XKR9: variants seen among roughly 807,000 people sequenced by gnomAD.
The protein encoded by XKR9 is XK related 9.
A neutral mutation model predicts 32.0 loss-of-function variants in XKR9; 32 were observed. The observed-to-expected ratio is 1.00, with a 90% CI of 0.76 to 1.34. XKR9 has a LOEUF of 1.34. Ranked by LOEUF, XKR9 falls within the 40% of genes most tolerant of loss-of-function variation. The pLI is 0.00. For missense variants in XKR9, 546 were observed against 429.7 expected, an observed-to-expected ratio of 1.27 and a Z score of -2.39; for synonymous variants, 168 against 143.4, an observed-to-expected ratio of 1.17 and a Z score of -1.22.
chr8:70,926,294 C>T, the XKR9 span, among the ~76,000 whole-genome samples: 1 of 152,182 alleles, frequency 6.6e-6, no homozygotes, highest in Non-Finnish European at 1.5e-5. Flanking sequence ...TGGTCTTGAA[C>T]TTCTGACCTC....
chr8:70,825,542 G>C, the XKR9 span, among the ~76,000 whole-genome samples: 1 of 152,024 alleles, frequency 6.6e-6, no homozygotes, highest in South Asian at 2.1e-4. Flanking sequence ...AATTATCTTT[G>C]TGTTCTAGTT....
the XKR9 span, among the ~76,000 whole-genome samples, chr8:70,904,302 G>A: frequency 1.3e-5 from 2 of 152,150 alleles, no homozygotes; most frequent in Non-Finnish European, 2.9e-5. Context: ...GGTTGCTCCT[G>A]TATTGGGTGC....
At chr8:70,785,218 T>G (rs530046709) in intron 2 of XKR9, among the ~76,000 whole-genome samples, 1 of 152,136 alleles carries the variant, frequency 6.6e-6, no homozygotes, top group African/African-American at 2.4e-5. Flanking sequence ...TTTCTATTTC[T>G]TCATTATTCA....
At chr8:70,770,449 A>T (rs1252410894) in intron 2 of XKR9, among the ~76,000 whole-genome samples, 1 of 152,106 alleles carries the variant, frequency 6.6e-6, no homozygotes, top group Non-Finnish European at 1.5e-5. Flanking sequence ...CTGTGCTGGG[A>T]GATATGCTGC....
the XKR9 span, among the ~76,000 whole-genome samples, chr8:70,886,290 T>C: frequency 2.6e-5 from 4 of 152,234 alleles, no homozygotes; most frequent in African/African-American, 7.2e-5. Flanking sequence ...CAGTCTGTCA[T>C]TGATGGGCAT....
the XKR9 span, among the ~76,000 whole-genome samples, chr8:70,943,832 A>G: frequency 6.6e-6 from 1 of 152,156 alleles, no homozygotes; most frequent in South Asian, 2.1e-4. Context: ...AAAACTGGGT[A>G]GTTTTGTTAC....
chr8:70,854,022 TA>T, the XKR9 span, among the ~76,000 whole-genome samples: 1 of 152,126 alleles, frequency 6.6e-6, no homozygotes, highest in Non-Finnish European at 1.5e-5. Context: ...GCATGATTTA[TA>T]ATCTTTTGGG....
chr8:70,823,572 C>G, the XKR9 span, among the ~76,000 whole-genome samples: 1 of 152,164 alleles, frequency 6.6e-6, no homozygotes, highest in Non-Finnish European at 1.5e-5. Context: ...GAATGACATA[C>G]AATTTATCTT....
At chr8:71,041,137 T>G in the XKR9 span, among the ~76,000 whole-genome samples, 1 of 152,164 alleles carries the variant, frequency 6.6e-6, no homozygotes, top group Admixed American at 6.5e-5. Context: ...GAAAAAGGTT[T>G]GAAGTTGCTG....
chr8:70,811,381 C>T, the XKR9 span, among the ~76,000 whole-genome samples: 1 of 152,102 alleles, frequency 6.6e-6, no homozygotes, highest in African/African-American at 2.4e-5. Context: ...ATTAAAAGAA[C>T]TAGAGAAGCA....
At chr8:70,742,664 G>T (rs1002357237) in intron 2 of XKR9, among the ~76,000 whole-genome samples, 1 of 151,730 alleles carries the variant, frequency 6.6e-6, no homozygotes, top group Non-Finnish European at 1.5e-5. Context: ...ATTTTTGTTG[G>T]ATATAGAGTT....
the XKR9 span, among the ~76,000 whole-genome samples, chr8:70,830,524 CTGCAA>C: frequency 6.6e-6 from 1 of 152,066 alleles, no homozygotes; most frequent in African/African-American, 2.4e-5. Flanking sequence ...GAGGTCAAGG[CTGCAA>C]TGTGTGGTGA....
intron 4 of XKR9, among the ~76,000 whole-genome samples, chr8:70,725,571 A>G (rs1806436674): frequency 6.6e-6 from 1 of 152,134 alleles, no homozygotes; most frequent in South Asian, 2.1e-4. Flanking sequence ...TACTCTGTAG[A>G]ACTTTTTGAC....
At chr8:70,915,111 C>T in the XKR9 span, among the ~76,000 whole-genome samples, 3 of 151,806 alleles carry the variant, frequency 2.0e-5, no homozygotes, top group Non-Finnish European at 4.4e-5. Context: ...GGTGGGCTTG[C>T]AGAACTAGTT....
At chr8:71,023,868 A>T in the XKR9 span, among the ~76,000 whole-genome samples, 2 of 152,144 alleles carry the variant, frequency 1.3e-5, no homozygotes, top group Admixed American at 1.3e-4. Context: ...GAGTGCCCAG[A>T]TGCCAGTGCT....
At chr8:70,760,681 C>T (rs2130206910) in intron 2 of XKR9, among the ~76,000 whole-genome samples, 1 of 152,222 alleles carries the variant, frequency 6.6e-6, no homozygotes, top group East Asian at 1.9e-4. Flanking sequence ...ATTATACAAC[C>T]ATCACCACTA....
intron 2 of XKR9, among the ~76,000 whole-genome samples, chr8:70,773,585 G>A (rs895866689): frequency 1.3e-5 from 2 of 152,186 alleles, no homozygotes; most frequent in African/African-American, 4.8e-5. Flanking sequence ...TTTATGATGT[G>A]TATGGATCAG....
intron 2 of XKR9, among the ~76,000 whole-genome samples, chr8:70,750,403 G>A (rs1311571705): frequency 6.6e-6 from 1 of 152,124 alleles, no homozygotes; most frequent in African/African-American, 2.4e-5. Flanking sequence ...CCATCAGCAT[G>A]TGCTTTGGAG....
chr8:70,848,026 C>T, the XKR9 span, among the ~76,000 whole-genome samples: 1 of 152,166 alleles, frequency 6.6e-6, no homozygotes, highest in South Asian at 2.1e-4. Flanking sequence ...AAGAAAATTA[C>T]AGGCTAATAT....
Sources: gnomAD v4.1 joint callset for allele counts (sites outside exome capture counted in the v4.1 genomes callset) on GRCh38, gnomAD v4.1.1 for gene constraint, MANE v1.5 for transcripts, NCBI Gene and HGNC (gene_info 2026-07-23, HGNC 2026-07-21) for gene names.